OTUB2: variants seen among roughly 807,000 people sequenced by gnomAD.
OTUB2 encodes OTU deubiquitinase, ubiquitin aldehyde binding 2.
OTUB2 carries 21 observed loss-of-function variants against 25.1 expected under a neutral mutation model. The observed-to-expected ratio is 0.84, with a 90% CI of 0.59 to 1.21. The LOEUF (loss-of-function observed/expected upper bound fraction) is 1.21. Ranked by LOEUF, OTUB2 falls within the 50% of genes most tolerant of loss-of-function variation. OTUB2 has a pLI of 0.00. For synonymous variants in OTUB2, 122 were observed against 122.8 expected (o/e 0.99, Z 0.04); for missense variants, 283 against 298.0 (o/e 0.95, Z 0.37).
At chr14:94,026,586 CG>C in intron 1 of OTUB2, 46 bp downstream of exon 1, 1 of 383,206 alleles carries the variant, frequency 2.6e-6, no homozygotes, top group African/African-American at 2.2e-5. Context: ...GCAGGGGGCG[CG>C]GTGGGCGGGG....
In OTUB2 at chr14:94,044,767, A is replaced by G; in HGVS notation, c.485A>G (p.Asp162Gly). The stretch of plus-strand genomic sequence containing the variant: ...ATTGATGAGGAGATGGACATCAAAG[A>G]CTTCTGCACTCACGTAGGTGCTTGG... ...HFIDEEMDIK[D>G]FCTHEVEPMA... is the part of the protein sequence containing the mutation. Residue 162 changes from aspartate to glycine, a missense_variant, in exon 5 of 6, where the codon GAC becomes GGC. Physicochemically the swap from Asp to Gly is moderately conservative, Grantham distance 94. Transcript: ENST00000203664. 6.2e-7 allele frequency: 1 copy of G among 1,612,572 alleles called. No homozygotes were observed. The highest frequency in any genetic ancestry group is 8.5e-7 in the Non-Finnish European group (1 of 1,179,768).
intron 1 of OTUB2, among the ~76,000 whole-genome samples, chr14:94,026,823 G>T (rs1884872621): frequency 1.3e-5 from 2 of 152,294 alleles, no homozygotes; most frequent in East Asian, 1.9e-4. Flanking sequence ...GCGCCGCCTC[G>T]ACGGCGCTGG....
intron 1 of OTUB2, among the ~76,000 whole-genome samples, chr14:94,030,471 G>A (rs1451516717): frequency 6.6e-6 from 1 of 152,046 alleles, no homozygotes; most frequent in Admixed American, 6.5e-5. Context: ...CGGAGAGGAA[G>A]ATCTGAGGGC....
At chr14:94,031,578 T>G (rs1884962662) in intron 1 of OTUB2, among the ~76,000 whole-genome samples, 1 of 152,134 alleles carries the variant, frequency 6.6e-6, no homozygotes, top group Admixed American at 6.5e-5. Flanking sequence ...CTCTTTAATC[T>G]CAGCTGGCGT....
rs1885271042 is a variant in OTUB2 at position 94,046,111 on chromosome 14, AT to A, written c.*193del. 1.5e-6 allele frequency: 1 copy of A among 666,442 alleles called. No individual in the cohort carries two copies. The highest frequency in any genetic ancestry group is 2.5e-6 in the Non-Finnish European group (1 of 395,764). 41.3% of individuals were successfully genotyped at this position (666,442 alleles called of 1,614,324 possible). A position where few individuals can be genotyped will look rare whatever the true frequency, so the allele number is the denominator to read the frequency against. On this transcript the variant is annotated 3_prime_UTR_variant, in exon 6 of 6. Transcript: ENST00000203664. ...TAACTTGGTAGGATTTTTAGTATTTATTTTAATGGAGGGACAAATGCTTTCT... is the reference window on the plus strand; with the variant it reads ...TAACTTGGTAGGATTTTTAGTATTTATTTAATGGAGGGACAAATGCTTTCT...
chr14:94,027,073 G>C (rs1322671429), intron 1 of OTUB2, among the ~76,000 whole-genome samples: 1 of 152,264 alleles, frequency 6.6e-6, no homozygotes, highest in Non-Finnish European at 1.5e-5. Flanking sequence ...GACCCACCTA[G>C]AGAGGATGCC....
In OTUB2 at chr14:94,045,913, T is replaced by C. The variant is rs377550311; in HGVS notation, c.696T>C (p.Asp232=). 3 of 1,614,012 alleles carry C rather than the reference T, an allele frequency of 1.9e-6. No individual in the cohort carries two copies. Among genetic ancestry groups the C allele is most frequent in the African/African-American group, 2.7e-5 (2 of 74,938 alleles). Residue 232 remains aspartate (D), a synonymous_variant, in exon 6 of 6, where the codon GAT becomes GAC. Coordinates refer to ENST00000203664, the MANE Select transcript of OTUB2 (RefSeq NM_023112.4). ...TSHYNILYAA[D]KH is the part of the protein sequence containing the mutation. The stretch of plus-strand genomic sequence containing the variant: ...ACTACAACATCCTTTATGCAGCCGA[T>C]AAACATTGATTAATTTTAGGCCATG...
chr14:94,028,672 G>A (rs902014607), intron 1 of OTUB2, among the ~76,000 whole-genome samples: 2 of 152,238 alleles, frequency 1.3e-5, no homozygotes, highest in East Asian at 1.9e-4. Context: ...TGGGCACTGT[G>A]ACACTGATGA....
chr14:94,047,925 A>G lies in OTUB2; in HGVS notation c.*2003A>G, dbSNP rs1268666565. The G allele has an allele frequency of 6.6e-6, 1 of 152,332 alleles. No homozygotes were observed. Among genetic ancestry groups the G allele is most frequent in the Non-Finnish European group, 1.5e-5 (1 of 68,054 alleles). The allele number at this position is 152,332 out of a possible 1,614,324, so 9.4% of individuals were successfully genotyped here. ...GGGCCCTCTTCCCAGAAAAGAATCT[A>G]TTCTATCACTTCAGAATCAGGACAC... On this transcript the variant is annotated 3_prime_UTR_variant, in exon 6 of 6. Coordinates refer to ENST00000203664, the MANE Select transcript of OTUB2 (RefSeq NM_023112.4).
chr14:94,047,287 C>T lies in OTUB2; in HGVS notation c.*1365C>T, dbSNP rs975775290. On this transcript the variant is annotated 3_prime_UTR_variant, in exon 6 of 6. Coordinates refer to ENST00000203664, the MANE Select transcript of OTUB2 (RefSeq NM_023112.4). ...CATGAGTCTGCTGACAACCTGACTG[C>T]ACAAGGACTGGGTAGCAGACTCCTC... The T allele has an allele frequency of 6.6e-6, 1 of 152,202 alleles. No homozygotes were observed. The highest frequency in any genetic ancestry group is 2.4e-5 in the African/African-American group (1 of 41,428). 9.4% of individuals were successfully genotyped at this position (152,202 alleles called of 1,614,324 possible).
chr14:94,033,766 C>G (rs1885001474), intron 1 of OTUB2, among the ~76,000 whole-genome samples: 1 of 152,144 alleles, frequency 6.6e-6, no homozygotes, highest in African/African-American at 2.4e-5. Flanking sequence ...ACCTGTTTGT[C>G]CTCTTACCAT....
rs1469047965 is a variant in OTUB2 at position 94,048,702 on chromosome 14, C to G, written c.*2780C>G. 1.3e-5 allele frequency: 2 copies of G among 152,234 alleles called. No individual in the cohort carries two copies. The highest frequency in any genetic ancestry group is 2.9e-5 in the Non-Finnish European group (2 of 68,052). The allele number at this position is 152,234 out of a possible 1,614,324, so 9.4% of individuals were successfully genotyped here. On this transcript the variant is annotated 3_prime_UTR_variant, in exon 6 of 6. Coordinates refer to ENST00000203664, the MANE Select transcript of OTUB2 (RefSeq NM_023112.4). The stretch of plus-strand genomic sequence containing the variant: ...GCACTGCAGATGGGGAAGCATGTCA[C>G]CTTGGCAGTGACTCGGTGGCTTCCC...
chr14:94,037,413 T>A lies in OTUB2; in HGVS notation c.37T>A (p.Cys13Ser). 2 of 1,603,032 alleles carry A rather than the reference T, an allele frequency of 1.2e-6. No individual in the cohort carries two copies. Among genetic ancestry groups the A allele is most frequent in the Non-Finnish European group, 1.7e-6 (2 of 1,170,450 alleles). The stretch of plus-strand genomic sequence containing the variant: ...ATCTTTCAACCTAATATCAGAAAAA[T>A]GTGACATTCTATCCATTCTTCGGGA... ...ETSFNLISEK[C>S]DILSILRDHP... Residue 13 changes from cysteine (C) to serine (S), a missense_variant, in exon 2 of 6, where the codon TGT becomes AGT. By Grantham distance (112) the Cys-to-Ser change is moderately radical. Transcript: ENST00000203664.
At chr14:94,032,929 C>G (rs1245964844) in intron 1 of OTUB2, among the ~76,000 whole-genome samples, 8 of 152,180 alleles carry the variant, frequency 5.3e-5, no homozygotes, top group Admixed American at 3.9e-4. Context: ...GTATTTTCTT[C>G]TTTTTGGAAA....
At position 94,047,356 on chromosome 14, in the gene OTUB2, C is replaced by T. The variant is rs1457642484; in HGVS notation, c.*1434C>T. 6.6e-6 allele frequency: 1 copy of T among 152,170 alleles called. No homozygotes were observed. Among genetic ancestry groups the T allele is most frequent in the Non-Finnish European group, 1.5e-5 (1 of 68,042 alleles). 9.4% of individuals were successfully genotyped at this position (152,170 alleles called of 1,614,324 possible). A position where few individuals can be genotyped will look rare whatever the true frequency, so the allele number is the denominator to read the frequency against. On this transcript the variant is annotated 3_prime_UTR_variant, in exon 6 of 6. Transcript: ENST00000203664. Reference sequence around the variant, plus strand: ...ATGTCAGATTTGTGTCACTCTTCTGCCTTCGTGAAAAGCCAATAGCACTCT... The same window carrying T: ...ATGTCAGATTTGTGTCACTCTTCTGTCTTCGTGAAAAGCCAATAGCACTCT...
intron 1 of OTUB2, among the ~76,000 whole-genome samples, chr14:94,031,238 GAA>G (rs34660745): frequency 1.6e-5 from 2 of 124,348 alleles, no homozygotes; most frequent in African/African-American, 5.8e-5. Flanking sequence ...TCCCATCTCA[GAA>G]AAAAAAAAAA....
At chr14:94,040,864 G>T (rs182666687) in intron 3 of OTUB2, among the ~76,000 whole-genome samples, 1 of 152,226 alleles carries the variant, frequency 6.6e-6, no homozygotes, top group Non-Finnish European at 1.5e-5. Flanking sequence ...CAAGGTCTGG[G>T]GTTGGCAGTT....
intron 1 of OTUB2, among the ~76,000 whole-genome samples, chr14:94,036,120 G>C (rs781648706): frequency 6.6e-6 from 1 of 152,176 alleles, no homozygotes; most frequent in African/African-American, 2.4e-5. Flanking sequence ...TGGAGAAAGG[G>C]GTTTGTAGCA....
intron 1 of OTUB2, among the ~76,000 whole-genome samples, chr14:94,030,767 C>T (rs8014749): frequency 0.28 from 42,070 of 150,432 alleles, 7,623 homozygotes; most frequent in African/African-American, 0.51. Flanking sequence ...TCCAGGTAGG[C>T]GCGATGACGT....
Sources: gnomAD v4.1 joint callset for allele counts (sites outside exome capture counted in the v4.1 genomes callset) on GRCh38, gnomAD v4.1.1 for gene constraint, MANE v1.5 for transcripts, NCBI Gene and HGNC (gene_info 2026-07-23, HGNC 2026-07-21) for gene names.